The following THBS2 variants were observed in gnomAD, a reference collection of about 807,000 sequenced individuals.
THBS2 encodes the protein thrombospondin-2.
A neutral mutation model predicts 135.2 loss-of-function variants in THBS2; 47 were observed. The observed-to-expected ratio is 0.35, with a 90% confidence interval of 0.28 to 0.44. The LOEUF is 0.44. Among genes scored for constraint, THBS2 ranks in the 20% least tolerant of loss-of-function variants. The probability of loss-of-function intolerance (pLI) is 1.00; values close to 1 mark genes in which losing one functional copy is unlikely to be tolerated. For synonymous variants in THBS2, 639 were observed against 633.8 expected (o/e 1.01, Z -0.12); for missense variants, 1,288 against 1,603.1 (o/e 0.80, Z 3.36).
intron 3 of THBS2, 130 bp downstream of exon 3, chr6:169,248,287 G>T (rs567620449): frequency 1.2e-4 from 135 of 1,085,642 alleles, no homozygotes; most frequent in Admixed American, 6.4e-4. Flanking sequence ...GCACATGCCG[G>T]GATGTGCAGT....
chr6:169,242,849 G>T (rs1419493532), intron 4 of THBS2, among the ~76,000 whole-genome samples: 2 of 4,188 alleles, frequency 4.8e-4, no homozygotes, highest in African/African-American at 1.7e-3. Context: ...CCTTCCCACT[G>T]CTCCCACCTT....
chr6:169,246,013 G>C, intron 4 of THBS2, 184 bp downstream of exon 4: 1 of 443,482 alleles, frequency 2.3e-6, no homozygotes. Context: ...ATTATTTTCA[G>C]ATATCAACAT....
At chr6:169,251,559 A>G (rs962917110) in intron 1 of THBS2, among the ~76,000 whole-genome samples, 1 of 152,172 alleles carries the variant, frequency 6.6e-6, no homozygotes, top group Admixed American at 6.5e-5. Flanking sequence ...CCGGGCGAGC[A>G]TGAGCCTGAG....
At chr6:169,245,643 T>A (rs1780526460) in intron 4 of THBS2, among the ~76,000 whole-genome samples, 1 of 151,860 alleles carries the variant, frequency 6.6e-6, no homozygotes, top group Non-Finnish European at 1.5e-5. Context: ...ATACAAAAAA[T>A]TAGCTGGGTG....
Position 169,237,210 on chromosome 6 carries a change from A to T in THBS2, c.1437T>A (p.Ser479Arg), listed in dbSNP as rs749095347. ...CCTGGCAGGCTTTGGTCTCCCGGCC[A>T]CTCCCTTTGCAATTCTTGCCCCCCA... The part of the protein sequence containing the change: ...PQMGGKNCKG[S>R]GRETKACQGA... The change falls in exon 9 of 22, where the codon AGT becomes AGA. Residue 479 changes from serine (S) to arginine (R), a missense_variant. Physicochemically the swap from Ser to Arg is moderately radical, Grantham distance 110. This residue lies in a region of THBS2 where 874 missense variants were observed against 1,156.1 expected (regional missense o/e 0.76). Transcript: ENST00000617924. The T allele has an allele frequency of 3.1e-6, 5 of 1,612,186 alleles. No individual in the cohort carries two copies. In the South Asian group the frequency reaches 5.5e-5, roughly 18 times the overall value.
Position 169,234,925 on chromosome 6 carries a change from CAG to C in THBS2, c.1478-20_1478-19del, listed in dbSNP as rs759000560. The C allele has an allele frequency of 6.3e-7, 1 of 1,596,036 alleles. No homozygotes were observed. The highest frequency in any genetic ancestry group is 2.2e-5 in the East Asian group (1 of 44,456). On this transcript the variant is annotated intron_variant, in intron 9 of 21. Coordinates refer to ENST00000617924, the MANE Select transcript of THBS2 (RefSeq NM_003247.5). ...GCCATCGACTGCGGGGAAAGCCAAC[CAG>C]GGGGAGCTCAGAGCAAGACCCGGGG... is the stretch of plus-strand genomic sequence containing the variant.
chr6:169,236,005 ACCATCCACACTCTCCCTCCC>A (rs1272408105), intron 9 of THBS2, among the ~76,000 whole-genome samples: 1 of 23,242 alleles, frequency 4.3e-5, no homozygotes, highest in Non-Finnish European at 7.7e-5. Flanking sequence ...CTCTCCCTCC[ACCATCCACACTCTCCCTCCC>A]CCATCCACAC....
chr6:169,237,162 G>A lies in THBS2; in HGVS notation c.1477+8C>T, dbSNP rs766049694. 2.4e-5 allele frequency: 39 copies of A among 1,600,866 alleles called. No individual in the cohort carries two copies. Among genetic ancestry groups the A allele is most frequent in the Admixed American group, 8.3e-5 (5 of 59,904 alleles). Reference sequence around the variant, plus strand: ...GCCCACCCAGGGCCCCGCCTTCACCGTACTTACTTGGGCATGGGGCGCCCT... The same window carrying A: ...GCCCACCCAGGGCCCCGCCTTCACCATACTTACTTGGGCATGGGGCGCCCT... On this transcript the variant is annotated splice_region_variant and intron_variant, in intron 9 of 21. Transcript: ENST00000617924.
At chr6:169,232,477 A>ACG (rs71554391) in intron 12 of THBS2, among the ~76,000 whole-genome samples, 187 bp downstream of exon 12, 71,596 of 151,810 alleles carry the variant, frequency 0.47, 18,444 homozygotes, top group African/African-American at 0.7. Flanking sequence ...CCGGCTGAGC[A>ACG]CGCCCCGCAC....
chr6:169,240,668 C>A, intron 5 of THBS2, 76 bp from the exon 6 acceptor site: 1 of 1,527,634 alleles, frequency 6.5e-7, no homozygotes, highest in Non-Finnish European at 8.9e-7. Context: ...GGATGAAAAA[C>A]AAAGTTCCTC....
At chr6:169,240,645 T>C (rs1405571592) in intron 5 of THBS2, 53 bp from the exon 6 acceptor site, 3 of 1,575,966 alleles carry the variant, frequency 1.9e-6, no homozygotes, top group East Asian at 2.3e-5. Context: ...ACATATTTAG[T>C]CATCATGCTT....
Position 169,217,205 on chromosome 6 carries a change from G to GTAAC in THBS2, c.*613_*616dup, listed in dbSNP as rs1281857720. The GTAAC allele has an allele frequency of 2.6e-5, 4 of 152,352 alleles. No individual in the cohort carries two copies. The highest frequency in any genetic ancestry group is 6.5e-5 in the Admixed American group (1 of 15,304). The allele number at this position is 152,352 out of a possible 1,614,324, so 9.4% of individuals were successfully genotyped here. On this transcript the variant is annotated 3_prime_UTR_variant, in exon 22 of 22. Coordinates refer to ENST00000617924, the MANE Select transcript of THBS2 (RefSeq NM_003247.5). ...ACAAGAGGAGAGTTCGTTTATTTTT[G>GTAAC]TAACTGTTTTACATGTTCCGATTAG...
In THBS2 at chr6:169,226,261, G is replaced by A; in HGVS notation, c.2457C>T (p.Tyr819=). 4 of 1,614,134 alleles carry A rather than the reference G, an allele frequency of 2.5e-6. No homozygotes were observed. The highest frequency in any genetic ancestry group is 1.3e-5 in the African/African-American group (1 of 75,064). ...CATCCGTGTCCCTCTGGTCAGTGTT[G>A]TAGACGTAGGGACAATTGTCTCGTT... The part of the protein sequence containing the change: ...FNERDNCPYV[Y]NTDQRDTDGD... Residue 819 remains tyrosine (Y), a synonymous_variant, in exon 16 of 22, where the codon TAC becomes TAT. Coordinates refer to ENST00000617924, the MANE Select transcript of THBS2 (RefSeq NM_003247.5).
intron 2 of THBS2, 80 bp from the exon 3 acceptor site, chr6:169,249,053 A>G: frequency 7.3e-7 from 1 of 1,366,068 alleles, no homozygotes; most frequent in South Asian, 1.4e-5. Flanking sequence ...ACAAACCAGA[A>G]CCTCGCGTGT....
At chr6:169,223,131 G>C in intron 18 of THBS2, 117 bp downstream of exon 18, 1 of 911,332 alleles carries the variant, frequency 1.1e-6, no homozygotes, top group Non-Finnish European at 1.6e-6. Flanking sequence ...AAGGATGGGG[G>C]CTTCCAGAAA....
chr6:169,224,239 A>G (rs979739427), intron 17 of THBS2, among the ~76,000 whole-genome samples: 4 of 152,226 alleles, frequency 2.6e-5, no homozygotes, highest in Admixed American at 1.3e-4. Context: ...GCAGGCACAT[A>G]GTTGGTATCA....
chr6:169,247,939 T>C (rs1321252341), intron 3 of THBS2, among the ~76,000 whole-genome samples: 2 of 151,632 alleles, frequency 1.3e-5, no homozygotes, highest in Non-Finnish European at 2.9e-5. Context: ...ATGGTGTTTA[T>C]GTGCGTCTGC....
intron 14 of THBS2, among the ~76,000 whole-genome samples, 198 bp downstream of exon 14, chr6:169,229,374 G>A (rs759329695): frequency 6.6e-6 from 1 of 152,200 alleles, no homozygotes; most frequent in African/African-American, 2.4e-5. Context: ...AGCACACCCT[G>A]GGCAGCCCCA....
chr6:169,246,825 A>G (rs9505896), intron 3 of THBS2, among the ~76,000 whole-genome samples: 30,835 of 151,716 alleles, frequency 0.2, 3,489 homozygotes, highest in Middle Eastern at 0.27. Flanking sequence ...GCATCTCTAG[A>G]CCTTTTACTC....
Sources: allele counts gnomAD v4.1 joint callset (sites outside exome capture counted in the v4.1 genomes callset), GRCh38; gene constraint gnomAD v4.1.1; regional missense constraint gnomAD v4.1.1; transcripts MANE v1.5; gene names NCBI Gene and HGNC (gene_info 2026-07-23, HGNC 2026-07-21).